Variants in SPIDR observed in about 807,000 individuals in gnomAD.
SPIDR encodes the protein DNA repair-scaffolding protein.
A neutral mutation model predicts 104.6 loss-of-function variants in SPIDR; 93 were observed. The ratio of observed to expected loss-of-function variants is 0.89; its 90% CI spans 0.75 to 1.06. SPIDR has a LOEUF of 1.06. Ranked by LOEUF, SPIDR falls within the 50% of genes least tolerant of loss-of-function variation. SPIDR has a pLI of 0.00. For missense variants in SPIDR, 1,154 were observed against 1,111.2 expected, an observed-to-expected ratio of 1.04 and a Z score of -0.55; for synonymous variants, 431 against 416.9, an observed-to-expected ratio of 1.03 and a Z score of -0.41.
At chr8:47,553,409 A>G (rs558322582) in intron 8 of SPIDR, among the ~76,000 whole-genome samples, 3 of 152,268 alleles carry the variant, frequency 2.0e-5, no homozygotes, top group East Asian at 3.9e-4. Flanking sequence ...GTCTTTTCAC[A>G]TAGTCCCATA....
chr8:47,279,991 G>C lies in SPIDR; in HGVS notation c.163G>C (p.Gly55Arg). 6.2e-7 allele frequency: 1 copy of C among 1,614,070 alleles called. No homozygotes were observed. Among genetic ancestry groups the C allele is most frequent in the Non-Finnish European group, 8.5e-7 (1 of 1,179,996 alleles). The change falls in exon 2 of 20, where the codon GGG becomes CGG. Residue 55 changes from glycine (G) to arginine (R), a missense_variant. Physicochemically the swap from Gly to Arg is moderately radical, Grantham distance 125. Transcript: ENST00000297423. ...TGAAGCATGGCTCAGGTGTGGAGAAGGGTTTCAGAACACTTCTGGGAATCC... is the reference window on the plus strand; with the variant it reads ...TGAAGCATGGCTCAGGTGTGGAGAACGGTTTCAGAACACTTCTGGGAATCC... Reference protein sequence around the residue: ...LSEAWLRCGEGFQNTSGNPSL... With the variant: ...LSEAWLRCGERFQNTSGNPSL...
intron 8 of SPIDR, among the ~76,000 whole-genome samples, chr8:47,583,401 A>C (rs2059941742): frequency 6.6e-6 from 1 of 151,908 alleles, no homozygotes; most frequent in Non-Finnish European, 1.5e-5. Context: ...CGTGAGATTT[A>C]ACAACTTAGG....
At chr8:47,663,870 C>T (rs2154464747) in intron 10 of SPIDR, among the ~76,000 whole-genome samples, 1 of 152,314 alleles carries the variant, frequency 6.6e-6, no homozygotes, top group South Asian at 2.1e-4. Flanking sequence ...AATGAGGACA[C>T]AGTGGATTCT....
chr8:47,668,506 C>T (rs1030069709), intron 10 of SPIDR, among the ~76,000 whole-genome samples: 6 of 151,872 alleles, frequency 4.0e-5, no homozygotes, highest in African/African-American at 1.5e-4. Flanking sequence ...AACTAGGACT[C>T]CCTAACTGGG....
chr8:47,337,250 C>G (rs1281887011), intron 5 of SPIDR, among the ~76,000 whole-genome samples: 1 of 152,078 alleles, frequency 6.6e-6, no homozygotes, highest in Non-Finnish European at 1.5e-5. Context: ...ACCTCTGCCT[C>G]CTGAGTAACT....
intron 7 of SPIDR, among the ~76,000 whole-genome samples, chr8:47,413,856 G>A (rs931317070): frequency 2.6e-5 from 4 of 152,172 alleles, no homozygotes; most frequent in African/African-American, 9.7e-5. Context: ...ATATGCTATA[G>A]ATGACTAAGG....
Position 47,440,541 on chromosome 8 carries a change from T to A in SPIDR, c.1096T>A (p.Trp366Arg). Residue 366 changes from tryptophan (W) to arginine (R), a missense_variant and splice_region_variant, in exon 8 of 20, where the codon TGG (tryptophan) becomes AGG (arginine). Trp to Arg is a moderately radical substitution (Grantham distance 101). Coordinates refer to ENST00000297423, the MANE Select transcript of SPIDR (RefSeq NM_001080394.4). ...GGACACTGTCCGGATCTTCCCTCCC[T>A]GGTGAGTGCGCAGAACTTAATCCAG... The part of the protein sequence containing the change: ...PQDTVRIFPP[W>R]QKLIIPSGSC... 1 of 1,612,740 alleles carries A rather than the reference T, an allele frequency of 6.2e-7. No individual in the cohort carries two copies. The highest frequency in any genetic ancestry group is 8.5e-7 in the Non-Finnish European group (1 of 1,179,008).
At chr8:47,396,082 T>C (rs533774018) in intron 5 of SPIDR, among the ~76,000 whole-genome samples, 2 of 152,372 alleles carry the variant, frequency 1.3e-5, no homozygotes, top group Non-Finnish European at 2.9e-5. Flanking sequence ...AGATTGCCTC[T>C]ATGTGTGGTA....
chr8:47,453,163 A>G (rs1268373391), intron 8 of SPIDR, among the ~76,000 whole-genome samples: 1 of 152,212 alleles, frequency 6.6e-6, no homozygotes. Flanking sequence ...AAGGGATGTG[A>G]AGGACCTCTT....
At chr8:47,517,177 A>G (rs2083295101) in intron 8 of SPIDR, among the ~76,000 whole-genome samples, 1 of 151,746 alleles carries the variant, frequency 6.6e-6, no homozygotes, top group Non-Finnish European at 1.5e-5. Flanking sequence ...ATAGTGACAG[A>G]TTTTCCCCAA....
At chr8:47,449,726 A>G (rs1331586404) in intron 8 of SPIDR, among the ~76,000 whole-genome samples, 1 of 152,232 alleles carries the variant, frequency 6.6e-6, no homozygotes, top group Non-Finnish European at 1.5e-5. Flanking sequence ...AATCTGGATA[A>G]TCTGAAAAAC....
chr8:47,503,035 C>T (rs143815989), intron 8 of SPIDR, among the ~76,000 whole-genome samples: 441 of 152,258 alleles, frequency 2.9e-3, no homozygotes, highest in South Asian at 0.011. Context: ...TTTACATTTG[C>T]TGAGGAGTGC....
Position 47,469,652 on chromosome 8 carries a change from T to C in SPIDR, c.1097+29110T>C, listed in dbSNP as rs561597561. 2.6e-5 allele frequency among the ~76,000 whole-genome samples: 4 copies of C among 152,238 alleles called. No individual in the cohort carries two copies. In the South Asian group the frequency reaches 8.3e-4, roughly 32 times the overall value. ...ACCAAATACCACATGTTCTCACTTA[T>C]AAGTGGGCACTAAATTATGAGAACA... On this transcript the variant is annotated intron_variant, in intron 8 of 19. Transcript: ENST00000297423.
chr8:47,359,252 C>CAAAAAAAA (rs11372277), intron 5 of SPIDR, among the ~76,000 whole-genome samples: 4 of 114,944 alleles, frequency 3.5e-5, no homozygotes, highest in African/African-American at 1.2e-4. Flanking sequence ...GACTCCGTCT[C>CAAAAAAAA]AAAAAAAAAA....
intron 5 of SPIDR, among the ~76,000 whole-genome samples, chr8:47,349,122 C>T (rs544496920): frequency 6.6e-6 from 1 of 152,312 alleles, no homozygotes; most frequent in South Asian, 2.1e-4. Flanking sequence ...TGGTGACCTA[C>T]AGATGGGGTT....
chr8:47,535,977 AAT>A (rs986888073), intron 8 of SPIDR, among the ~76,000 whole-genome samples: 18 of 152,318 alleles, frequency 1.2e-4, no homozygotes, highest in African/African-American at 4.3e-4. Flanking sequence ...AAGGCTGCAG[AAT>A]ATGTTAATAT....
At chr8:47,459,563 A>G (rs556607781) in intron 8 of SPIDR, among the ~76,000 whole-genome samples, 13 of 152,048 alleles carry the variant, frequency 8.5e-5, no homozygotes, top group African/African-American at 2.9e-4. Flanking sequence ...CTGTCAGTTT[A>G]TCTTTTCAAA....
intron 17 of SPIDR, 75 bp from the exon 18 acceptor site, chr8:47,728,858 A>C (rs2084741048): frequency 6.6e-7 from 1 of 1,512,794 alleles, no homozygotes; most frequent in Non-Finnish European, 8.9e-7. Context: ...CATGTTTAAG[A>C]AAATGTCTCC....
intron 1 of SPIDR, among the ~76,000 whole-genome samples, chr8:47,263,761 A>G (rs779240032): frequency 6.6e-5 from 10 of 152,130 alleles, no homozygotes; most frequent in Non-Finnish European, 1.3e-4. Flanking sequence ...AATCTTAGTC[A>G]TCCATTGAGG....
Sources: allele counts gnomAD v4.1 joint callset (sites outside exome capture counted in the v4.1 genomes callset), GRCh38; gene constraint gnomAD v4.1.1; transcripts MANE v1.5; gene names NCBI Gene and HGNC (gene_info 2026-07-23, HGNC 2026-07-21).